Variants in ANKRD11 observed in about 807,000 individuals in gnomAD.
The protein encoded by ANKRD11 is ankyrin repeat domain 11.
Under a neutral mutation model 195.7 loss-of-function variants are expected in ANKRD11, and 17 were observed. The observed-to-expected ratio is 0.09, with a 90% CI of 0.06 to 0.13. The LOEUF is 0.13. Among genes scored for constraint, ANKRD11 ranks in the 10% least tolerant of loss-of-function variants. ANKRD11 has a pLI of 1.00. For synonymous variants in ANKRD11, 1,953 were observed against 1,528.1 expected (o/e 1.28, Z -6.49); for missense variants, 3,735 against 3,566.1 (o/e 1.05, Z -1.21).
intron 2 of ANKRD11, among the ~76,000 whole-genome samples, chr16:89,317,554 A>T (rs2151921235): frequency 6.6e-6 from 1 of 152,268 alleles, no homozygotes; most frequent in South Asian, 2.1e-4. Context: ...ACCACCTGGG[A>T]AGGAGCTCCT....
intron 2 of ANKRD11, among the ~76,000 whole-genome samples, chr16:89,366,771 C>T (rs995504820): frequency 6.6e-6 from 1 of 152,200 alleles, no homozygotes; most frequent in Non-Finnish European, 1.5e-5. Context: ...ATGGGTACAC[C>T]AAGTCCCACT....
At chr16:89,373,956 G>A (rs1418047097) in intron 2 of ANKRD11, among the ~76,000 whole-genome samples, 1 of 152,242 alleles carries the variant, frequency 6.6e-6, no homozygotes, top group Non-Finnish European at 1.5e-5. Flanking sequence ...GCGGGCTGGG[G>A]CCCTGGCCCA....
chr16:89,441,178 G>A (rs1005063771), intron 1 of ANKRD11, among the ~76,000 whole-genome samples: 4 of 152,012 alleles, frequency 2.6e-5, no homozygotes, highest in Non-Finnish European at 4.4e-5. Context: ...AGAGATCGCA[G>A]TGAGCCAGGA....
In ANKRD11 at chr16:89,478,049, G is replaced by A. The variant is rs2965810; in HGVS notation, c.-145+12196C>T. ...CCAATTTATTATGGCTTCAAAAGAA[G>A]CCCAAAAAATCAAAAAAGAAAAATA... On this transcript the variant is annotated intron_variant, in intron 1 of 12. Coordinates refer to ENST00000301030, the MANE Select transcript of ANKRD11 (RefSeq NM_013275.6). Among the ~76,000 whole-genome samples, 355 of 152,248 alleles carry A rather than the reference G, an allele frequency of 2.3e-3. 1 individual carries two copies. The highest frequency in any genetic ancestry group is 7.9e-3 in the African/African-American group (330 of 41,548).
intron 2 of ANKRD11, among the ~76,000 whole-genome samples, chr16:89,352,376 C>G (rs888632008): frequency 2.0e-5 from 3 of 151,498 alleles, no homozygotes; most frequent in Non-Finnish European, 4.4e-5. Flanking sequence ...TCAAGGCAGC[C>G]CCCCAAGAAA....
At chr16:89,304,064 C>T (rs2036009789) in intron 4 of ANKRD11, among the ~76,000 whole-genome samples, 1 of 152,210 alleles carries the variant, frequency 6.6e-6, no homozygotes. Flanking sequence ...CTCCAACCTT[C>T]CCCAGCAGGG....
intron 1 of ANKRD11, among the ~76,000 whole-genome samples, chr16:89,421,630 T>C (rs373891428): frequency 1.3e-3 from 97 of 75,914 alleles, no homozygotes; most frequent in Admixed American, 2.7e-3. Flanking sequence ...CACCCGTCCA[T>C]GTCTGGGGGC....
chr16:89,301,207 AG>A (rs2151851877), intron 4 of ANKRD11: 1 of 416,122 alleles, frequency 2.4e-6, no homozygotes, highest in East Asian at 3.7e-5. Context: ...CCTAGCCTCA[AG>A]GGATCCTCCC....
intron 1 of ANKRD11, among the ~76,000 whole-genome samples, chr16:89,485,023 G>C (rs2057559536): frequency 6.6e-6 from 1 of 152,220 alleles, no homozygotes. Context: ...CCTCCAAGAG[G>C]AAGAGAGAAA....
rs140501817 is a variant in ANKRD11 at position 89,387,832 on chromosome 16, G to A, written c.-60+30452C>T. On this transcript the variant is annotated intron_variant, in intron 2 of 12. Transcript: ENST00000301030. ...AGCCTGGCCAACATGGTGAAACCCCGTCTCTACTAAAAATTCAAAAAAATT... is the reference window on the plus strand; with the variant it reads ...AGCCTGGCCAACATGGTGAAACCCCATCTCTACTAAAAATTCAAAAAAATT... Among the ~76,000 whole-genome samples the A allele has an allele frequency of 5.6e-3, 838 of 150,242 alleles. 9 individuals carry two copies. Among genetic ancestry groups the A allele is most frequent in the African/African-American group, 0.02 (800 of 40,898 alleles).
At chr16:89,416,320 G>A (rs556658672) in intron 2 of ANKRD11, among the ~76,000 whole-genome samples, 1 of 151,716 alleles carries the variant, frequency 6.6e-6, no homozygotes, top group South Asian at 2.1e-4. Flanking sequence ...TTTCCCCAGA[G>A]ACAGAGTCTT....
rs1417629193 is a variant in ANKRD11, at chr16:89,291,254, C to A, written c.227-71G>T. The A allele has an allele frequency of 3.2e-6, 5 of 1,582,242 alleles. No individual in the cohort carries two copies. The African/African-American group carries it at 6.7e-5, about 21-fold the overall frequency. Reference sequence around the variant, plus strand: ...GGTGTCCTCCAAAGCTAGGTCCTTACCTAATGTTACGGAGCCCCCTGCGTC... The same window carrying A: ...GGTGTCCTCCAAAGCTAGGTCCTTAACTAATGTTACGGAGCCCCCTGCGTC... On this transcript the variant is annotated intron_variant, in intron 4 of 12. Transcript: ENST00000301030. The surrounding 1 kb of genome is among the most constrained non-coding windows in gnomAD (Gnocchi z 5.3).
chr16:89,338,402 C>T (rs542018430), intron 2 of ANKRD11, among the ~76,000 whole-genome samples: 68 of 148,596 alleles, frequency 4.6e-4, no homozygotes, highest in Admixed American at 1.4e-3. Flanking sequence ...AGTGGAAATC[C>T]TGTACTTAAC....
chr16:89,489,640 A>G (rs1225860533), intron 1 of ANKRD11, among the ~76,000 whole-genome samples: 1 of 151,936 alleles, frequency 6.6e-6, no homozygotes, highest in East Asian at 1.9e-4. Flanking sequence ...CGCGGGTCAG[A>G]GGTCGGCGCC....
intron 1 of ANKRD11, among the ~76,000 whole-genome samples, chr16:89,438,227 C>T (rs2043297495): frequency 6.6e-6 from 1 of 152,176 alleles, no homozygotes; most frequent in South Asian, 2.1e-4. Context: ...ACACAAACAT[C>T]AATTTAGGAT....
At chr16:89,292,517 C>T (rs545756092) in intron 4 of ANKRD11, among the ~76,000 whole-genome samples, 2 of 152,182 alleles carry the variant, frequency 1.3e-5, no homozygotes, top group Non-Finnish European at 2.9e-5. Context: ...CTTAGGAATT[C>T]GGTCTGGGGC....
chr16:89,336,345 G>A (rs746728030), intron 2 of ANKRD11, among the ~76,000 whole-genome samples: 12 of 152,254 alleles, frequency 7.9e-5, no homozygotes, highest in East Asian at 1.9e-4. Flanking sequence ...CAAGATTGTC[G>A]TCAGACCTAG....
intron 1 of ANKRD11, among the ~76,000 whole-genome samples, chr16:89,457,448 AT>A (rs2056488165): frequency 6.6e-6 from 1 of 151,376 alleles, no homozygotes; most frequent in Non-Finnish European, 1.5e-5. Context: ...AAATACAAAA[AT>A]TAGCCAGGCG....
intron 2 of ANKRD11, among the ~76,000 whole-genome samples, chr16:89,332,727 T>G (rs928330614): frequency 1.3e-5 from 2 of 152,136 alleles, no homozygotes; most frequent in African/African-American, 4.8e-5. Flanking sequence ...TGCACTGCCC[T>G]CTCTGAGGAA....
Sources: gnomAD v4.1 joint callset for allele counts (sites outside exome capture counted in the v4.1 genomes callset) on GRCh38, gnomAD v4.1.1 for gene constraint, Gnocchi (gnomAD v3.1) non-coding constraint, MANE v1.5 for transcripts, NCBI Gene and HGNC (gene_info 2026-07-23, HGNC 2026-07-21) for gene names.